SCHIP1: variants seen among roughly 807,000 people sequenced by gnomAD.
The protein encoded by SCHIP1 is schwannomin-interacting protein 1.
In SCHIP1, 8 loss-of-function variants were observed where a neutral mutation model predicts 29.7. The observed-to-expected ratio is 0.27, with a 90% CI of 0.16 to 0.49. The LOEUF is 0.49. Ranked by LOEUF, SCHIP1 falls within the 20% of genes least tolerant of loss-of-function variation. The pLI is 0.99. For synonymous variants in SCHIP1, 76 were observed against 94.9 expected (o/e 0.80, Z 1.16); for missense variants, 193 against 294.6 (o/e 0.66, Z 2.52).
At chr3:159,839,810 T>C, upstream of SCHIP1, 1 of 1,084,546 alleles carries the variant, frequency 9.2e-7, no homozygotes. Context: ...TCCACATCAG[T>C]TAACTGCCTT....
intron 1 of SCHIP1, among the ~76,000 whole-genome samples, chr3:159,865,512 C>G (rs762013055): frequency 6.6e-6 from 1 of 152,208 alleles, no homozygotes; most frequent in Non-Finnish European, 1.5e-5. Flanking sequence ...CTAGAATTCT[C>G]CAGCTATTCC....
At chr3:159,876,351 G>T (rs979855485) in intron 2 of SCHIP1, among the ~76,000 whole-genome samples, 3 of 152,198 alleles carry the variant, frequency 2.0e-5, no homozygotes, top group Admixed American at 6.5e-5. Flanking sequence ...AGAGGGTCTG[G>T]CTTGGAATCT....
At chr3:159,504,522 A>G in the SCHIP1 span, among the ~76,000 whole-genome samples, 18 of 152,328 alleles carry the variant, frequency 1.2e-4, no homozygotes, top group Non-Finnish European at 2.5e-4. Context: ...CTGGGAAGGC[A>G]GTTTAACACA....
At chr3:159,493,263 A>C in the SCHIP1 span, among the ~76,000 whole-genome samples, 1 of 152,246 alleles carries the variant, frequency 6.6e-6, no homozygotes, top group Non-Finnish European at 1.5e-5. Context: ...ACTAACCTTA[A>C]ATTCAAATGG....
At chr3:159,430,625 T>C in the SCHIP1 span, among the ~76,000 whole-genome samples, 1 of 152,078 alleles carries the variant, frequency 6.6e-6, no homozygotes, top group African/African-American at 2.4e-5. Flanking sequence ...TTAAGATACT[T>C]AATATTTGAT....
At chr3:159,722,595 G>T in the SCHIP1 span, among the ~76,000 whole-genome samples, 3 of 152,136 alleles carry the variant, frequency 2.0e-5, no homozygotes, top group Non-Finnish European at 2.9e-5. Context: ...TTGTGTGTGT[G>T]CATGTGTATG....
At chr3:159,469,842 T>C in the SCHIP1 span, among the ~76,000 whole-genome samples, 1 of 152,160 alleles carries the variant, frequency 6.6e-6, no homozygotes, top group African/African-American at 2.4e-5. Flanking sequence ...TATAACTAGA[T>C]AACCCAAAGA....
At chr3:159,607,487 G>C in the SCHIP1 span, among the ~76,000 whole-genome samples, 1 of 152,166 alleles carries the variant, frequency 6.6e-6, no homozygotes, top group Non-Finnish European at 1.5e-5. Context: ...GCCTCTGTCA[G>C]TTGTTCTTGC....
the SCHIP1 span, among the ~76,000 whole-genome samples, chr3:159,545,307 C>T: frequency 2.0e-5 from 3 of 151,900 alleles, no homozygotes; most frequent in Non-Finnish European, 4.4e-5. Context: ...TGGGAAAGGC[C>T]GACCCAACTT....
At chr3:159,860,555 T>G (rs1292748176) in intron 1 of SCHIP1, among the ~76,000 whole-genome samples, 1 of 152,218 alleles carries the variant, frequency 6.6e-6, no homozygotes, top group Non-Finnish European at 1.5e-5. Flanking sequence ...GAATTAGTAC[T>G]GAGACAGTGA....
At chr3:159,494,874 C>T in the SCHIP1 span, among the ~76,000 whole-genome samples, 13 of 152,078 alleles carry the variant, frequency 8.5e-5, no homozygotes, top group African/African-American at 1.2e-4. Flanking sequence ...ACTGGCAAAC[C>T]GAATCCAGCA....
chr3:159,295,976 G>A, the SCHIP1 span, among the ~76,000 whole-genome samples: 87 of 152,256 alleles, frequency 5.7e-4, 1 homozygote, highest in South Asian at 0.011. Context: ...AGAAACAAGA[G>A]TAGAAACTTC....
At chr3:159,457,456 G>A in the SCHIP1 span, among the ~76,000 whole-genome samples, 2 of 151,602 alleles carry the variant, frequency 1.3e-5, no homozygotes, top group South Asian at 4.2e-4. Flanking sequence ...TTGGTGCTGT[G>A]CTTTGGGACA....
the SCHIP1 span, among the ~76,000 whole-genome samples, chr3:159,397,321 C>T: frequency 1.2e-4 from 19 of 152,204 alleles, no homozygotes; most frequent in Non-Finnish European, 2.1e-4. Flanking sequence ...TCTCTCAGCT[C>T]GTTAAAGTCA....
chr3:159,818,077 G>A, the SCHIP1 span, among the ~76,000 whole-genome samples: 1 of 152,190 alleles, frequency 6.6e-6, no homozygotes, highest in African/African-American at 2.4e-5. Flanking sequence ...ATCAGCCAAG[G>A]AGTGTTCACA....
At chr3:159,855,841 G>A (rs1051802040) in intron 1 of SCHIP1, among the ~76,000 whole-genome samples, 1 of 152,110 alleles carries the variant, frequency 6.6e-6, no homozygotes, top group East Asian at 1.9e-4. Context: ...CAGACAAACA[G>A]CCTTCAGGGG....
the SCHIP1 span, among the ~76,000 whole-genome samples, chr3:159,809,660 CAA>C: frequency 0.046 from 4,525 of 98,432 alleles, 84 homozygotes; most frequent in Middle Eastern, 0.081. Context: ...AACTCCATCT[CAA>C]AAAAAAAAAA....
At chr3:159,395,942 C>T in the SCHIP1 span, among the ~76,000 whole-genome samples, 1 of 152,032 alleles carries the variant, frequency 6.6e-6, no homozygotes, top group African/African-American at 2.4e-5. Flanking sequence ...CCATTATTAA[C>T]GTGTGGGAGT....
the SCHIP1 span, among the ~76,000 whole-genome samples, chr3:159,479,854 G>A: frequency 6.6e-6 from 1 of 152,158 alleles, no homozygotes; most frequent in Non-Finnish European, 1.5e-5. Context: ...ATAATGTGCA[G>A]CTCTATGCAA....
Sources: allele counts gnomAD v4.1 joint callset (sites outside exome capture counted in the v4.1 genomes callset), GRCh38; gene constraint gnomAD v4.1.1; transcripts MANE v1.5; gene names NCBI Gene and HGNC (gene_info 2026-07-23, HGNC 2026-07-21).